RTN3: variants seen among roughly 807,000 people sequenced by gnomAD.
RTN3 encodes reticulon 3.
RTN3 carries 49 observed loss-of-function variants against 77.8 expected under a neutral mutation model. The ratio of observed to expected loss-of-function variants is 0.63; its 90% CI spans 0.50 to 0.80. RTN3 has a LOEUF of 0.80. Among genes scored for constraint, RTN3 ranks in the 30% least tolerant of loss-of-function variants. RTN3 has a pLI of 0.00. For synonymous variants in RTN3, 464 were observed against 446.9 expected (o/e 1.04, Z -0.48); for missense variants, 1,236 against 1,211.9 (o/e 1.02, Z -0.29).
intron 3 of RTN3, among the ~76,000 whole-genome samples, chr11:63,735,547 C>G (rs1000644343): frequency 3.7e-5 from 1 of 26,812 alleles, no homozygotes; most frequent in African/African-American, 1.1e-4. Context: ...CAGATTCTAA[C>G]ATTTCTCTCT....
chr11:63,722,518 A>G (rs1335916369), intron 3 of RTN3, among the ~76,000 whole-genome samples: 1 of 152,202 alleles, frequency 6.6e-6, no homozygotes, highest in African/African-American at 2.4e-5. Context: ...CACCAAATAC[A>G]GGGCCTGCCA....
chr11:63,704,981 G>T, intron 2 of RTN3, 74 bp downstream of exon 2: 1 of 1,083,236 alleles, frequency 9.2e-7, no homozygotes, highest in Non-Finnish European at 1.4e-6. Flanking sequence ...GGGGATACGA[G>T]GCACAAGTCT....
At chr11:63,737,049 A>T (rs1400883550) in intron 3 of RTN3, among the ~76,000 whole-genome samples, 1 of 147,824 alleles carries the variant, frequency 6.8e-6, no homozygotes, top group African/African-American at 2.5e-5. Context: ...ATCCTAGCTC[A>T]CTGCTGCCTC....
At chr11:63,697,308 A>AT (rs1942011097) in intron 1 of RTN3, among the ~76,000 whole-genome samples, 2 of 147,174 alleles carry the variant, frequency 1.4e-5, no homozygotes, top group Admixed American at 1.4e-4. Context: ...CTTTTTTTTT[A>AT]TTTTTATTTT....
chr11:63,704,694 A>G (rs1207027653), intron 1 of RTN3, among the ~76,000 whole-genome samples, 157 bp from the exon 2 acceptor site: 1 of 152,110 alleles, frequency 6.6e-6, no homozygotes, highest in African/African-American at 2.4e-5. Flanking sequence ...CTACCAGGTG[A>G]GTGAAAACAA....
chr11:63,751,785 AG>A (rs2014119123), intron 4 of RTN3, among the ~76,000 whole-genome samples: 1 of 152,196 alleles, frequency 6.6e-6, no homozygotes, highest in African/African-American at 2.4e-5. Flanking sequence ...TGAGGTCAGG[AG>A]TTCAAGACTA....
chr11:63,681,813 A>G (rs1199781930), intron 1 of RTN3, 35 bp downstream of exon 1: 3 of 1,506,516 alleles, frequency 2.0e-6, no homozygotes, highest in Non-Finnish European at 2.6e-6. Flanking sequence ...CCTGGGAAAG[A>G]GGGCGAGCGG....
intron 2 of RTN3, chr11:63,714,134 A>G (rs749087759): frequency 4.3e-6 from 2 of 460,572 alleles, no homozygotes; most frequent in South Asian, 3.1e-5. Context: ...AATTTTTCCC[A>G]TTGTCTTGGT....
At chr11:63,703,806 T>G (rs778766781) in intron 1 of RTN3, among the ~76,000 whole-genome samples, 1 of 151,648 alleles carries the variant, frequency 6.6e-6, no homozygotes, top group Non-Finnish European at 1.5e-5. Flanking sequence ...CCTCCCAAAG[T>G]GCTGGGATTA....
At chr11:63,730,485 A>T (rs1344227050) in intron 3 of RTN3, among the ~76,000 whole-genome samples, 1 of 152,250 alleles carries the variant, frequency 6.6e-6, no homozygotes, top group East Asian at 1.9e-4. Context: ...AAAATACACA[A>T]AGCAAAAATT....
chr11:63,704,147 C>T (rs552173744), intron 1 of RTN3, among the ~76,000 whole-genome samples: 87 of 151,798 alleles, frequency 5.7e-4, no homozygotes, highest in Admixed American at 6.6e-5. Context: ...GGATTACAGG[C>T]GTGCACTGCC....
chr11:63,738,826 C>T (rs1437348248), intron 3 of RTN3, among the ~76,000 whole-genome samples: 1 of 152,010 alleles, frequency 6.6e-6, no homozygotes, highest in Non-Finnish European at 1.5e-5. Flanking sequence ...TCCCCAAATT[C>T]GGTAATAAAA....
chr11:63,756,933 C>T (rs1175228650), intron 8 of RTN3, among the ~76,000 whole-genome samples: 1 of 152,174 alleles, frequency 6.6e-6, no homozygotes, highest in African/African-American at 2.4e-5. Context: ...TTAGTCCCAG[C>T]TACTCAGGAG....
At chr11:63,742,671 T>C (rs1162982477) in intron 3 of RTN3, among the ~76,000 whole-genome samples, 1 of 151,980 alleles carries the variant, frequency 6.6e-6, no homozygotes, top group East Asian at 1.9e-4. Flanking sequence ...AGGATTGTGA[T>C]TAAAGTCGTG....
At chr11:63,714,010 C>T (rs372792922) in intron 2 of RTN3, 5 of 518,672 alleles carry the variant, frequency 9.6e-6, no homozygotes, top group Non-Finnish European at 1.5e-5. Flanking sequence ...AAGTGCCATA[C>T]TGACCAATTG....
Position 63,758,141 on chromosome 11 carries a change from T to C in RTN3, c.3054-15T>C. ...GTTTTCACTTTCTTTCTTTTTCCCC[T>C]CCTTTTCTCAATAGGATCCAAGCAA... is the stretch of plus-strand genomic sequence containing the variant. On this transcript the variant is annotated splice_polypyrimidine_tract_variant and intron_variant, in intron 8 of 8. Coordinates refer to ENST00000377819, the MANE Select transcript of RTN3 (RefSeq NM_001265589.2). 6.5e-7 allele frequency: 1 copy of C among 1,541,176 alleles called. No homozygotes were observed. Among genetic ancestry groups the C allele is most frequent in the Middle Eastern group, 1.7e-4 (1 of 5,826 alleles).
At chr11:63,697,843 CTTT>C (rs1420706394) in intron 1 of RTN3, among the ~76,000 whole-genome samples, 1 of 152,060 alleles carries the variant, frequency 6.6e-6, no homozygotes, top group East Asian at 1.9e-4. Context: ...AAAATTGTTT[CTTT>C]TTTATGTATT....
At chr11:63,717,159 C>T (rs2134806360) in intron 2 of RTN3, among the ~76,000 whole-genome samples, 1 of 151,912 alleles carries the variant, frequency 6.6e-6, no homozygotes, top group Admixed American at 6.6e-5. Context: ...GGGAGACCCT[C>T]TCTCAAATAC....
At chr11:63,732,892 C>G (rs1010642999) in intron 3 of RTN3, among the ~76,000 whole-genome samples, 6 of 152,152 alleles carry the variant, frequency 3.9e-5, no homozygotes, top group Non-Finnish European at 7.3e-5. Context: ...TAATATTATT[C>G]ATGAACGTAA....
Sources: allele counts gnomAD v4.1 joint callset (sites outside exome capture counted in the v4.1 genomes callset), GRCh38; gene constraint gnomAD v4.1.1; transcripts MANE v1.5; gene names NCBI Gene and HGNC (gene_info 2026-07-23, HGNC 2026-07-21).